ABI3BP: variants seen among roughly 807,000 people sequenced by gnomAD.
ABI3BP encodes the protein ABI family member 3 binding protein, also known as target of Nesh-SH3.
ABI3BP carries 216 observed loss-of-function variants against 268.6 expected under a neutral mutation model. That is an observed-to-expected ratio of 0.80 (90% confidence interval 0.72 to 0.90). The LOEUF (loss-of-function observed/expected upper bound fraction) is 0.90. ABI3BP is among the 40% of genes least tolerant of loss of function. The probability of loss-of-function intolerance (pLI) is 0.00; values close to 1 mark genes in which losing one functional copy is unlikely to be tolerated. For missense variants in ABI3BP, 2,090 were observed against 2,182.4 expected, an observed-to-expected ratio of 0.96 and a Z score of 0.84; for synonymous variants, 730 against 730.0, an observed-to-expected ratio of 1.00 and a Z score of 0.00.
intron 63 of ABI3BP, among the ~76,000 whole-genome samples, chr3:100,762,242 T>G (rs2096009108): frequency 6.6e-6 from 1 of 152,192 alleles, no homozygotes. Context: ...AAACCTTGCC[T>G]TAACAACTTA....
In ABI3BP at chr3:100,904,013, A is replaced by C. The variant is rs143976150; in HGVS notation, c.260-1327T>G. ...AGGAATGCTGGACCCAAATCAAATC[A>C]ACAAGTTTCCTAGTAGGAATACAAT... On this transcript the variant is annotated intron_variant, in intron 2 of 67. Transcript: ENST00000471714. 9.8e-5 allele frequency among the ~76,000 whole-genome samples: 15 copies of C among 152,306 alleles called. No individual in the cohort carries two copies. In the East Asian group the frequency reaches 2.9e-3, roughly 29 times the overall value.
At position 100,912,381 on chromosome 3, in the gene ABI3BP, T is replaced by A. The variant is rs1369565277; in HGVS notation, c.260-9695A>T. 3.4e-5 allele frequency among the ~76,000 whole-genome samples: 5 copies of A among 146,652 alleles called. No individual in the cohort carries two copies. The East Asian group carries it at 1.0e-3, about 30-fold the overall frequency. On this transcript the variant is annotated intron_variant, in intron 2 of 67. Coordinates refer to ENST00000471714, the MANE Select transcript of ABI3BP (RefSeq NM_001375547.2). Reference sequence around the variant, plus strand: ...AGTATAAAACAAAAACCTCAAGGGATACAAGAGCAGTACCATTAATTAGCA... The same window carrying A: ...AGTATAAAACAAAAACCTCAAGGGAAACAAGAGCAGTACCATTAATTAGCA...
intron 63 of ABI3BP, among the ~76,000 whole-genome samples, chr3:100,760,123 T>A (rs967896626): frequency 1.3e-5 from 2 of 152,174 alleles, no homozygotes; most frequent in Non-Finnish European, 2.9e-5. Flanking sequence ...TTTGGTAAGT[T>A]TCAGTCTTAG....
intron 1 of ABI3BP, among the ~76,000 whole-genome samples, chr3:100,961,684 G>A (rs1420268662): frequency 6.6e-6 from 1 of 152,168 alleles, no homozygotes; most frequent in African/African-American, 2.4e-5. Flanking sequence ...ACATTCCTAT[G>A]TAAGTCGGCC....
At chr3:100,754,563 A>C in intron 64 of ABI3BP, 49 bp downstream of exon 64, 2 of 1,499,716 alleles carry the variant, frequency 1.3e-6, no homozygotes, top group East Asian at 4.9e-5. Flanking sequence ...ACATTGCTCC[A>C]CTGTGGCCCT....
rs745918552 is a variant in ABI3BP at position 100,770,847 on chromosome 3, C to T, written c.4637G>A (p.Ser1546Asn). 1 of 1,604,808 alleles carries T rather than the reference C, an allele frequency of 6.2e-7. No individual in the cohort carries two copies. The highest frequency in any genetic ancestry group is 1.7e-5 in the Admixed American group (1 of 58,722). ...KEEATEGNATSPPQNPPTNLT... is the reference protein window; with the variant it reads ...KEEATEGNATNPPQNPPTNLT... ...GTTGGTGGGTGGGTTCTGTGGTGGG[C>T]TGGTGGCATTCCCCTCTGTGGCCTC... is the stretch of plus-strand genomic sequence containing the variant. The change falls in exon 62 of 68, where the codon AGC becomes AAC. Residue 1546 changes from serine (S) to asparagine (N), a missense_variant. Transcript: ENST00000471714.
At chr3:100,834,601 G>T in intron 29 of ABI3BP, 83 bp downstream of exon 29, 2 of 1,313,408 alleles carry the variant, frequency 1.5e-6, no homozygotes, top group Non-Finnish European at 2.1e-6. Flanking sequence ...GGTCAAGTGG[G>T]TTATAAAGTG....
At chr3:100,941,149 A>G (rs184243191) in intron 1 of ABI3BP, among the ~76,000 whole-genome samples, 3 of 151,940 alleles carry the variant, frequency 2.0e-5, no homozygotes, top group Admixed American at 2.0e-4. Flanking sequence ...TTACTTATAC[A>G]TGAACATATG....
At chr3:100,754,757 T>TC in intron 63 of ABI3BP, 66 bp from the exon 64 acceptor site, 1 of 1,297,042 alleles carries the variant, frequency 7.7e-7, no homozygotes, top group Non-Finnish European at 1.1e-6. Context: ...AACATTGCCC[T>TC]ATTATACGGA....
At chr3:100,936,289 C>T (rs915832219) in intron 1 of ABI3BP, among the ~76,000 whole-genome samples, 19 of 152,074 alleles carry the variant, frequency 1.2e-4, no homozygotes, top group African/African-American at 2.7e-4. Context: ...TATTAATTTG[C>T]GTATGTTGAA....
chr3:100,890,492 A>G (rs2044062475), intron 4 of ABI3BP, among the ~76,000 whole-genome samples: 2 of 152,020 alleles, frequency 1.3e-5, no homozygotes, highest in Non-Finnish European at 2.9e-5. Flanking sequence ...CAGATCTCCA[A>G]CCTTTCCCTT....
At chr3:100,795,349 A>T (rs2097314055) in intron 53 of ABI3BP, among the ~76,000 whole-genome samples, 1 of 152,020 alleles carries the variant, frequency 6.6e-6, no homozygotes. Context: ...GAGTGAGAAT[A>T]TCATCATTGT....
chr3:100,805,762 A>C (rs2097688369), intron 50 of ABI3BP, among the ~76,000 whole-genome samples: 1 of 152,054 alleles, frequency 6.6e-6, no homozygotes, highest in Non-Finnish European at 1.5e-5. Context: ...TCAGATTTTA[A>C]GTTGCTTCTC....
intron 11 of ABI3BP, 138 bp from the exon 12 acceptor site, chr3:100,864,214 C>G (rs1342383154): frequency 1.5e-6 from 1 of 655,614 alleles, no homozygotes; most frequent in Non-Finnish European, 2.7e-6. Context: ...AAATAACCTT[C>G]CCTGGAAAAG....
chr3:100,927,513 T>G (rs547803412), intron 1 of ABI3BP, among the ~76,000 whole-genome samples: 2 of 152,326 alleles, frequency 1.3e-5, no homozygotes, highest in Non-Finnish European at 2.9e-5. Flanking sequence ...AGAGGTTTAA[T>G]TGGCTCATGG....
intron 1 of ABI3BP, among the ~76,000 whole-genome samples, chr3:100,969,951 C>T (rs547488475): frequency 2.0e-5 from 3 of 152,080 alleles, no homozygotes; most frequent in African/African-American, 7.2e-5. Flanking sequence ...TATTAAATGG[C>T]CTTCATTTAC....
chr3:100,861,515 A>G (rs1363175774), intron 14 of ABI3BP, among the ~76,000 whole-genome samples: 1 of 152,264 alleles, frequency 6.6e-6, no homozygotes, highest in Non-Finnish European at 1.5e-5. Context: ...CACAAAAATC[A>G]TGGAAGTAAT....
At chr3:100,847,704 T>C in intron 18 of ABI3BP, 31 bp from the exon 19 acceptor site, 1 of 1,565,996 alleles carries the variant, frequency 6.4e-7, no homozygotes, top group Middle Eastern at 1.7e-4. Context: ...AATATTGAAA[T>C]ATCCTAGAGA....
intron 3 of ABI3BP, 23 bp downstream of exon 3, chr3:100,902,595 G>T (rs1561471293): frequency 3.1e-6 from 5 of 1,609,704 alleles, no homozygotes; most frequent in East Asian, 2.2e-5. Flanking sequence ...AAAAGAAAAA[G>T]AATTCAATGC....
Sources: gnomAD v4.1 joint callset for allele counts (sites outside exome capture counted in the v4.1 genomes callset) on GRCh38, gnomAD v4.1.1 for gene constraint, MANE v1.5 for transcripts, NCBI Gene and HGNC (gene_info 2026-07-23, HGNC 2026-07-21) for gene names.